GPBP1: variants seen among roughly 807,000 people sequenced by gnomAD.
The protein encoded by GPBP1 is vasculin.
Under a neutral mutation model 56.5 loss-of-function variants are expected in GPBP1, and 13 were observed. That is an observed-to-expected ratio of 0.23 (90% CI 0.15 to 0.37). The LOEUF is 0.37. GPBP1 is among the 10% of genes least tolerant of loss of function. GPBP1 has a pLI of 1.00. For synonymous variants in GPBP1, 204 were observed against 188.9 expected (o/e 1.08, Z -0.66); for missense variants, 477 against 572.3 (o/e 0.83, Z 1.70).
intron 5 of GPBP1, among the ~76,000 whole-genome samples, chr5:57,232,145 C>G (rs1310096232): frequency 2.6e-5 from 4 of 152,050 alleles, no homozygotes; most frequent in Non-Finnish European, 5.9e-5. Flanking sequence ...TCTTGAGTAG[C>G]TCCTCTAGGA....
At chr5:57,240,330 AT>A (rs1310418408) in intron 6 of GPBP1, among the ~76,000 whole-genome samples, 1 of 152,200 alleles carries the variant, frequency 6.6e-6, no homozygotes, top group East Asian at 1.9e-4. Context: ...GATACATTAA[AT>A]TTACCTCTTC....
In GPBP1 at chr5:57,183,359, ACT is replaced by A. The variant is rs969227372; in HGVS notation, c.-58+6962_-58+6963del. 3.9e-5 allele frequency among the ~76,000 whole-genome samples: 6 copies of A among 152,104 alleles called. No homozygotes were observed. The South Asian group carries it at 1.2e-3, about 32-fold the overall frequency. On this transcript the variant is annotated intron_variant, in intron 2 of 11. Transcript: ENST00000506184. ...TCCAGCCTGGGTGACAAGAGTAAAA[ACT>A]CTGTCTCTAAATAAATAAAAACATA... is the stretch of plus-strand genomic sequence containing the variant.
intron 11 of GPBP1, among the ~76,000 whole-genome samples, 156 bp downstream of exon 11, chr5:57,261,438 A>G (rs113380949): frequency 6.6e-5 from 10 of 152,012 alleles, no homozygotes; most frequent in African/African-American, 1.9e-4. Flanking sequence ...GGCTTTTGCT[A>G]TGGTGTCCAG....
rs758405689 is a variant in GPBP1, at chr5:57,247,045, A to G, written c.664-30A>G. On this transcript the variant is annotated intron_variant, in intron 7 of 11. Coordinates refer to ENST00000506184, the MANE Select transcript of GPBP1 (RefSeq NM_022913.4). The stretch of plus-strand genomic sequence containing the variant: ...CTTTCTCCTGTAACCTGTTTTTGAT[A>G]GCCATTAATGTTTGTGTGTTTTTCT... 17 of 1,581,356 alleles carry G rather than the reference A, an allele frequency of 1.1e-5. No homozygotes were observed. The South Asian group carries it at 1.7e-4, about 16-fold the overall frequency.
intron 5 of GPBP1, among the ~76,000 whole-genome samples, chr5:57,233,489 C>A (rs1756542786): frequency 6.6e-6 from 1 of 152,148 alleles, no homozygotes; most frequent in Non-Finnish European, 1.5e-5. Flanking sequence ...CCCCCAAAAA[C>A]TTAACTACTA....
At chr5:57,211,890 A>T (rs1015124340) in intron 2 of GPBP1, among the ~76,000 whole-genome samples, 1 of 151,860 alleles carries the variant, frequency 6.6e-6, no homozygotes, top group Admixed American at 6.6e-5. Flanking sequence ...ACTTTTTACC[A>T]TTTTGTATGA....
intron 5 of GPBP1, among the ~76,000 whole-genome samples, chr5:57,235,473 T>TA (rs1318730636): frequency 6.6e-6 from 1 of 152,078 alleles, no homozygotes; most frequent in Non-Finnish European, 1.5e-5. Context: ...AATAAGAGAA[T>TA]GGCTACTCCA....
chr5:57,177,748 G>C (rs975237750), intron 2 of GPBP1, among the ~76,000 whole-genome samples: 1 of 140,120 alleles, frequency 7.1e-6, no homozygotes, highest in Non-Finnish European at 1.5e-5. Flanking sequence ...TGATCCTTGC[G>C]CCTTGGCTTC....
In GPBP1 at chr5:57,235,522, T is replaced by G. The variant is rs1756625747; in HGVS notation, c.412-444T>G. ...CTGTTTTTTAACCCTGACTTTTTTC[T>G]TAGTTATGGATAAGGAAACTTAAAC... On this transcript the variant is annotated intron_variant, in intron 5 of 11. Transcript: ENST00000506184. 2.0e-5 allele frequency among the ~76,000 whole-genome samples: 3 copies of G among 152,176 alleles called. No individual in the cohort carries two copies. The South Asian group carries it at 6.2e-4, about 31-fold the overall frequency.
intron 6 of GPBP1, chr5:57,237,163 C>A: frequency 6.5e-7 from 1 of 1,546,580 alleles, no homozygotes; most frequent in Non-Finnish European, 8.8e-7. Context: ...CTCCCAAGCT[C>A]CTCTCTTAGG....
At chr5:57,237,439 G>T (rs55917596) in intron 6 of GPBP1, 8,445 of 393,482 alleles carry the variant, frequency 0.021, 155 homozygotes, top group Admixed American at 0.068. Flanking sequence ...AGAGTAAAAT[G>T]TATTAATATG....
intron 2 of GPBP1, among the ~76,000 whole-genome samples, chr5:57,203,090 A>T (rs1053073793): frequency 6.6e-6 from 1 of 152,162 alleles, no homozygotes; most frequent in African/African-American, 2.4e-5. Context: ...GTTCGTTGTA[A>T]GTTTTGAAGT....
intron 2 of GPBP1, among the ~76,000 whole-genome samples, chr5:57,204,153 G>C (rs559960246): frequency 2.4e-4 from 37 of 152,224 alleles, no homozygotes; most frequent in African/African-American, 8.2e-4. Flanking sequence ...TGTTAAAACT[G>C]AAGCAAACAA....
intron 5 of GPBP1, among the ~76,000 whole-genome samples, chr5:57,233,728 C>A (rs1421479303): frequency 6.6e-6 from 1 of 152,070 alleles, no homozygotes; most frequent in Non-Finnish European, 1.5e-5. Flanking sequence ...GTTGGTCTTG[C>A]TGTCTCAGGT....
intron 6 of GPBP1, chr5:57,246,026 G>T: frequency 3.8e-6 from 1 of 261,320 alleles, no homozygotes; most frequent in Admixed American, 5.1e-5. Context: ...AATATAATTT[G>T]TCTTGGTTTT....
At chr5:57,230,340 T>C (rs560666555) in intron 3 of GPBP1, among the ~76,000 whole-genome samples, 146 of 152,354 alleles carry the variant, frequency 9.6e-4, no homozygotes, top group Middle Eastern at 3.4e-3. Context: ...AGAACTTTTC[T>C]GTATTTCTAA....
At chr5:57,212,961 C>T (rs536843853) in intron 2 of GPBP1, among the ~76,000 whole-genome samples, 14 of 152,206 alleles carry the variant, frequency 9.2e-5, no homozygotes, top group Middle Eastern at 3.4e-3. Flanking sequence ...GGATTATACG[C>T]GTGAGCCACA....
At chr5:57,236,987 ATCTTCC>A in intron 6 of GPBP1, 1 of 591,810 alleles carries the variant, frequency 1.7e-6, no homozygotes, top group Non-Finnish European at 2.9e-6. Flanking sequence ...TTTTCTTTTG[ATCTTCC>A]TCTTTATTTA....
intron 2 of GPBP1, among the ~76,000 whole-genome samples, chr5:57,185,354 C>T (rs770111558): frequency 4.0e-5 from 6 of 151,652 alleles, no homozygotes; most frequent in Non-Finnish European, 7.4e-5. Flanking sequence ...CTCCGCCTAC[C>T]GGGTTTAAGT....
Sources: allele counts gnomAD v4.1 joint callset (sites outside exome capture counted in the v4.1 genomes callset), GRCh38; gene constraint gnomAD v4.1.1; transcripts MANE v1.5; gene names NCBI Gene and HGNC (gene_info 2026-07-23, HGNC 2026-07-21).